The following FGF14 variants were observed in gnomAD, a reference collection of about 807,000 sequenced individuals.
FGF14 encodes fibroblast growth factor homologous factor 4.
Under a neutral mutation model 25.5 loss-of-function variants are expected in FGF14, and 5 were observed. That is an observed-to-expected ratio of 0.20 (90% CI 0.10 to 0.41). The LOEUF (loss-of-function observed/expected upper bound fraction) is 0.41. Ranked by LOEUF, FGF14 falls within the 10% of genes least tolerant of loss-of-function variation. The pLI, the probability that FGF14 is intolerant of heterozygous loss-of-function variation, is 1.00. For missense variants in FGF14, 222 were observed against 320.1 expected, an observed-to-expected ratio of 0.69 and a Z score of 2.34; for synonymous variants, 138 against 118.3, an observed-to-expected ratio of 1.17 and a Z score of -1.08.
intron 1 of FGF14, among the ~76,000 whole-genome samples, chr13:101,957,534 A>T (rs1047795148): frequency 1.3e-5 from 2 of 152,212 alleles, no homozygotes; most frequent in Non-Finnish European, 2.9e-5. Context: ...AACTTGTTAG[A>T]AACACAAATT....
intron 1 of FGF14, among the ~76,000 whole-genome samples, chr13:102,037,925 C>T (rs774079104): frequency 6.6e-6 from 1 of 152,026 alleles, no homozygotes; most frequent in Non-Finnish European, 1.5e-5. Flanking sequence ...TTAATTCCCC[C>T]ATTTTATACA....
chr13:101,916,403 C>T (rs745498299), intron 1 of FGF14, 50 bp downstream of exon 1: 10 of 1,601,580 alleles, frequency 6.2e-6, no homozygotes, highest in Admixed American at 3.3e-5. Flanking sequence ...TCCGTTTAGG[C>T]GGGGAGGGGG....
intron 3 of FGF14, among the ~76,000 whole-genome samples, chr13:101,805,567 C>T (rs928537673): frequency 6.6e-6 from 1 of 152,088 alleles, no homozygotes. Context: ...CATGTAGTGG[C>T]GTTTTCCTAC....
intron 1 of FGF14, among the ~76,000 whole-genome samples, chr13:102,014,864 A>C (rs899387166): frequency 3.3e-5 from 5 of 152,210 alleles, no homozygotes; most frequent in Non-Finnish European, 7.3e-5. Context: ...TGTGTAAAAT[A>C]TGGTTGAAGT....
intron 1 of FGF14, among the ~76,000 whole-genome samples, chr13:102,065,631 T>C (rs371840698): frequency 6.6e-6 from 1 of 152,086 alleles, no homozygotes; most frequent in African/African-American, 2.4e-5. Flanking sequence ...TAAATTTGTA[T>C]AATTGAGTCT....
chr13:101,998,683 G>T lies in FGF14; in HGVS notation c.209-123387C>A, dbSNP rs142670762. On this transcript the variant is annotated intron_variant, in intron 1 of 4. Transcript: ENST00000376131. ...TCACACATTGAAAATCTTCACATCT[G>T]CACATAGGCTGGAGGCTCCCCGTCG... Among the ~76,000 whole-genome samples the T allele has an allele frequency of 7.5e-3, 1,144 of 152,292 alleles. 16 individuals carry two copies. Among genetic ancestry groups the T allele is most frequent in the African/African-American group, 0.026 (1,072 of 41,542 alleles).
At chr13:101,923,179 T>C (rs2034128536) in intron 1 of FGF14, among the ~76,000 whole-genome samples, 1 of 152,112 alleles carries the variant, frequency 6.6e-6, no homozygotes, top group Non-Finnish European at 1.5e-5. Context: ...TACTTGATCG[T>C]TTTCATACAT....
intron 3 of FGF14, among the ~76,000 whole-genome samples, chr13:101,784,971 T>C (rs547547974): frequency 1.3e-5 from 2 of 152,286 alleles, no homozygotes; most frequent in Non-Finnish European, 2.9e-5. Context: ...TGCATAGTTC[T>C]CAGGATCACT....
intron 1 of FGF14, among the ~76,000 whole-genome samples, chr13:102,088,852 A>G (rs927825350): frequency 3.3e-5 from 5 of 152,186 alleles, no homozygotes; most frequent in African/African-American, 7.2e-5. Flanking sequence ...TACATTATAC[A>G]TAAAGTTCTT....
At chr13:102,050,560 T>A (rs2042173895) in intron 1 of FGF14, among the ~76,000 whole-genome samples, 1 of 152,140 alleles carries the variant, frequency 6.6e-6, no homozygotes, top group African/African-American at 2.4e-5. Context: ...CAAAATTAAT[T>A]AATAAATCTA....
At chr13:102,100,070 A>T (rs1036973853) in intron 1 of FGF14, among the ~76,000 whole-genome samples, 2 of 152,224 alleles carry the variant, frequency 1.3e-5, no homozygotes, top group Admixed American at 6.5e-5. Flanking sequence ...TTCTTATTCC[A>T]TGAAAGACAA....
At chr13:102,292,109 A>G (rs2054437989) in intron 1 of FGF14, among the ~76,000 whole-genome samples, 1 of 151,938 alleles carries the variant, frequency 6.6e-6, no homozygotes. Flanking sequence ...GCCCCCGCCA[A>G]TTTGTTTTTC....
chr13:102,220,591 T>G (rs2050566278), intron 1 of FGF14, among the ~76,000 whole-genome samples: 1 of 152,230 alleles, frequency 6.6e-6, no homozygotes, highest in African/African-American at 2.4e-5. Flanking sequence ...CTTCCCTGTC[T>G]AATGCACAAA....
At chr13:102,244,617 C>T (rs1001177306) in intron 1 of FGF14, among the ~76,000 whole-genome samples, 2 of 151,944 alleles carry the variant, frequency 1.3e-5, no homozygotes, top group African/African-American at 2.4e-5. Context: ...TCATTGCATA[C>T]AATGAGCTGA....
rs1202907228 is a variant in FGF14, at chr13:101,734,929, G to T, written c.409-8119C>A. On this transcript the variant is annotated intron_variant, in intron 3 of 4. Coordinates refer to ENST00000376143, the MANE Select transcript of FGF14 (RefSeq NM_004115.4). ...AAGATATGTGATCAATTGCAAAAAT[G>T]ATTCTAATTCTTCATCCTCCTCCTC... Among the ~76,000 whole-genome samples, 20 of 152,254 alleles carry T rather than the reference G, an allele frequency of 1.3e-4. No individual in the cohort carries two copies. In the South Asian group the frequency reaches 4.1e-3, roughly 32 times the overall value.
At chr13:101,953,139 G>C (rs190709753) in intron 1 of FGF14, among the ~76,000 whole-genome samples, 1 of 152,110 alleles carries the variant, frequency 6.6e-6, no homozygotes, top group Non-Finnish European at 1.5e-5. Flanking sequence ...AATCTCAGAA[G>C]CGTCAACAGT....
intron 1 of FGF14, among the ~76,000 whole-genome samples, chr13:101,966,192 T>C (rs146985324): frequency 6.6e-6 from 1 of 152,284 alleles, no homozygotes; most frequent in African/African-American, 2.4e-5. Context: ...TGAAATGAGG[T>C]CATCAGGGTG....
chr13:102,154,486 AG>A (rs1166271606), intron 1 of FGF14, among the ~76,000 whole-genome samples: 1 of 152,224 alleles, frequency 6.6e-6, no homozygotes, highest in African/African-American at 2.4e-5. Flanking sequence ...TGTCACCACC[AG>A]GCCTGCCCTA....
chr13:101,976,929 C>T (rs1404013409), intron 1 of FGF14, among the ~76,000 whole-genome samples: 1 of 152,052 alleles, frequency 6.6e-6, no homozygotes, highest in Non-Finnish European at 1.5e-5. Flanking sequence ...GCTGTGGTGC[C>T]CTGTAGTGCC....
Sources: gnomAD v4.1 joint callset for allele counts (sites outside exome capture counted in the v4.1 genomes callset) on GRCh38, gnomAD v4.1.1 for gene constraint, MANE v1.5 for transcripts, NCBI Gene and HGNC (gene_info 2026-07-23, HGNC 2026-07-21) for gene names.